The following WIPF3 variants were observed in gnomAD, a reference collection of about 807,000 sequenced individuals.
WIPF3 encodes WAS/WASL-interacting protein family member 3.
In WIPF3, 33 loss-of-function variants were observed where a neutral mutation model predicts 38.9. That is an observed-to-expected ratio of 0.85 (90% CI 0.64 to 1.14). WIPF3 has a LOEUF of 1.14. WIPF3 is among the 50% of genes most tolerant of loss of function. The pLI is 0.00. For missense variants in WIPF3, 711 were observed against 652.5 expected, an observed-to-expected ratio of 1.09 and a Z score of -0.98; for synonymous variants, 324 against 269.3, an observed-to-expected ratio of 1.20 and a Z score of -1.99.
intron 2 of WIPF3, among the ~76,000 whole-genome samples, chr7:29,848,560 C>T (rs1298985734): frequency 6.6e-6 from 1 of 152,148 alleles, no homozygotes; most frequent in Non-Finnish European, 1.5e-5. Flanking sequence ...TCTTTCTCTA[C>T]CTGAGCCAAA....
At chr7:29,849,275 C>A (rs961339828) in intron 2 of WIPF3, among the ~76,000 whole-genome samples, 1 of 152,062 alleles carries the variant, frequency 6.6e-6, no homozygotes, top group African/African-American at 2.4e-5. Context: ...TGGATACAAG[C>A]AACAGGAATG....
chr7:29,834,933 CT>C, intron 2 of WIPF3, 119 bp downstream of exon 2: 1 of 1,238,934 alleles, frequency 8.1e-7, no homozygotes, highest in Non-Finnish European at 1.1e-6. Flanking sequence ...CAGGTGGCAT[CT>C]TAGGTGGCTG....
At chr7:29,813,941 G>A (rs1784419504) in intron 1 of WIPF3, among the ~76,000 whole-genome samples, 1 of 144,246 alleles carries the variant, frequency 6.9e-6, no homozygotes, top group South Asian at 2.2e-4. Flanking sequence ...TTTTTTTTGA[G>A]ACAGGGTTTC....
chr7:29,913,477 G>A (rs1184834077), intron 8 of WIPF3, among the ~76,000 whole-genome samples: 1 of 151,576 alleles, frequency 6.6e-6, no homozygotes, highest in Non-Finnish European at 1.5e-5. Context: ...TTCTTCTTTT[G>A]GCGTTTATGC....
chr7:29,838,432 G>A (rs1170889896), intron 2 of WIPF3, among the ~76,000 whole-genome samples: 1 of 151,978 alleles, frequency 6.6e-6, no homozygotes, highest in Non-Finnish European at 1.5e-5. Context: ...ATAGCTATAG[G>A]AGATTAATGA....
intron 3 of WIPF3, 98 bp downstream of exon 3, chr7:29,876,060 C>T (rs1447372361): frequency 6.7e-7 from 1 of 1,501,308 alleles, no homozygotes; most frequent in Admixed American, 2.0e-5. Flanking sequence ...AGCTGCTTCC[C>T]AGGATGCATA....
At chr7:29,904,606 A>G in intron 8 of WIPF3, 3 of 467,708 alleles carry the variant, frequency 6.4e-6, no homozygotes, top group South Asian at 6.6e-5. Flanking sequence ...AAGTTTAGCA[A>G]CTCTGACATT....
Position 29,883,874 on chromosome 7 carries a change from G to A in WIPF3, c.380G>A (p.Gly127Asp). 1 of 1,564,396 alleles carries A rather than the reference G, an allele frequency of 6.4e-7. No homozygotes were observed. The highest frequency in any genetic ancestry group is 8.7e-7 in the Non-Finnish European group (1 of 1,151,592). ...GGTGGCAAGACAGGGCAGGGCCCTG[G>A]CTCCCGCGCGCCCTCTCCCAGGCTT... is the stretch of plus-strand genomic sequence containing the variant. The part of the protein sequence containing the change: ...VAGGKTGQGP[G>D]SRAPSPRLPN... The change falls in exon 5 of 9, where the codon GGC (glycine) becomes GAC (aspartate). Residue 127 changes from glycine (G) to aspartate (D), a missense_variant. Gly to Asp is a moderately conservative substitution (Grantham distance 94). Coordinates refer to ENST00000242140, the MANE Select transcript of WIPF3 (RefSeq NM_001080529.3).
At chr7:29,906,726 A>G (rs1330421731) in intron 8 of WIPF3, among the ~76,000 whole-genome samples, 1 of 152,208 alleles carries the variant, frequency 6.6e-6, no homozygotes, top group Non-Finnish European at 1.5e-5. Flanking sequence ...CCAAAGAAAC[A>G]CTATAATCAA....
chr7:29,904,945 G>C (rs1409895720), intron 8 of WIPF3: 1 of 152,450 alleles, frequency 6.6e-6, no homozygotes, highest in African/African-American at 2.4e-5. Flanking sequence ...TCCTAACCTG[G>C]ACACATTTCC....
intron 2 of WIPF3, among the ~76,000 whole-genome samples, chr7:29,851,315 C>T (rs953073155): frequency 2.6e-5 from 4 of 152,108 alleles, no homozygotes; most frequent in Non-Finnish European, 4.4e-5. Flanking sequence ...CTCCTTGGCT[C>T]GGCCACAAGC....
At chr7:29,855,831 A>G (rs980547096) in intron 2 of WIPF3, among the ~76,000 whole-genome samples, 5 of 152,218 alleles carry the variant, frequency 3.3e-5, no homozygotes, top group Non-Finnish European at 7.3e-5. Flanking sequence ...CTCTGTTGCC[A>G]GAGTGAGCAA....
chr7:29,888,274 A>T, intron 6 of WIPF3, 57 bp downstream of exon 6: 2 of 1,544,932 alleles, frequency 1.3e-6, no homozygotes, highest in Admixed American at 3.9e-5. Context: ...GATTCTCCCA[A>T]CCTCTGGAGA....
rs764520486 is a variant in WIPF3, at chr7:29,878,688, C to T, written c.224-321C>T. Among the ~76,000 whole-genome samples the T allele has an allele frequency of 2.0e-5, 3 of 152,208 alleles. No individual in the cohort carries two copies. Among genetic ancestry groups the T allele is most frequent in the Non-Finnish European group, 2.9e-5 (2 of 68,038 alleles). On this transcript the variant is annotated intron_variant, in intron 3 of 8. Coordinates refer to ENST00000242140, the MANE Select transcript of WIPF3 (RefSeq NM_001080529.3). This position sits in a 1 kb window ranked among gnomAD's most constrained non-coding sequence, Gnocchi z 4.0. Reference sequence around the variant, plus strand: ...CCTACCACATTTGGGTTTTCTAATTCGAAGGTGCTGCCAGTTGCTCTGTTA... The same window carrying T: ...CCTACCACATTTGGGTTTTCTAATTTGAAGGTGCTGCCAGTTGCTCTGTTA...
chr7:29,829,897 A>G lies in WIPF3; in HGVS notation c.-57-4771A>G, dbSNP rs147226767. Among the ~76,000 whole-genome samples the G allele has an allele frequency of 3.0e-3, 454 of 152,356 alleles. 1 individual carries two copies. The highest frequency in any genetic ancestry group is 0.01 in the African/African-American group (426 of 41,584). On this transcript the variant is annotated intron_variant, in intron 1 of 8. Coordinates refer to ENST00000242140, the MANE Select transcript of WIPF3 (RefSeq NM_001080529.3). ...GATAGTTCATGAATTGGGAGAAAGT[A>G]TAAAAGCCTTTGAGAATCTGTCCTT...
intron 2 of WIPF3, among the ~76,000 whole-genome samples, chr7:29,838,892 G>T (rs561491728): frequency 6.1e-4 from 93 of 152,296 alleles, no homozygotes; most frequent in African/African-American, 2.2e-3. Flanking sequence ...CAGTGAAAAT[G>T]AATCAACAAT....
intron 2 of WIPF3, among the ~76,000 whole-genome samples, chr7:29,866,019 C>A (rs1242114840): frequency 6.6e-6 from 1 of 152,234 alleles, no homozygotes; most frequent in East Asian, 1.9e-4. Flanking sequence ...ATTAGCCGGG[C>A]GTGATGGCAC....
chr7:29,851,619 C>T (rs1785098649), intron 2 of WIPF3, among the ~76,000 whole-genome samples: 1 of 152,188 alleles, frequency 6.6e-6, no homozygotes, highest in Non-Finnish European at 1.5e-5. Context: ...AAGCAGTGGA[C>T]CTGGAAGGCT....
intron 7 of WIPF3, among the ~76,000 whole-genome samples, chr7:29,890,529 G>C (rs1198397214): frequency 6.6e-6 from 1 of 152,204 alleles, no homozygotes; most frequent in Non-Finnish European, 1.5e-5. Flanking sequence ...GACCTCTGTG[G>C]ACCCAGATGG....
Sources: gnomAD v4.1 joint callset for allele counts (sites outside exome capture counted in the v4.1 genomes callset) on GRCh38, gnomAD v4.1.1 for gene constraint, Gnocchi (gnomAD v3.1) non-coding constraint, MANE v1.5 for transcripts, NCBI Gene and HGNC (gene_info 2026-07-23, HGNC 2026-07-21) for gene names.